NDST4: variants seen among roughly 807,000 people sequenced by gnomAD.
NDST4 encodes the protein N-heparan sulfate sulfotransferase 4.
NDST4 carries 63 observed loss-of-function variants against 100.8 expected under a neutral mutation model. The observed-to-expected ratio is 0.62, with a 90% CI of 0.51 to 0.77. The LOEUF (loss-of-function observed/expected upper bound fraction) is 0.77, where lower values mean the gene tolerates loss of function less well. NDST4 is among the 30% of genes least tolerant of loss of function. The pLI is 0.00. For synonymous variants in NDST4, 377 were observed against 361.8 expected (o/e 1.04, Z -0.48); for missense variants, 943 against 1,018.4 (o/e 0.93, Z 1.01).
At chr4:114,879,672 C>CA (rs1418020214) in intron 6 of NDST4, among the ~76,000 whole-genome samples, 1 of 152,030 alleles carries the variant, frequency 6.6e-6, no homozygotes. Context: ...AATAGGTATG[C>CA]AAAAAATATT....
intron 2 of NDST4, among the ~76,000 whole-genome samples, chr4:115,034,418 T>C (rs2126271361): frequency 6.6e-6 from 1 of 152,138 alleles, no homozygotes; most frequent in Middle Eastern, 3.4e-3. Context: ...CCTCACAAAC[T>C]TAGGGGCAAG....
At chr4:115,025,989 A>C (rs1727975603) in intron 2 of NDST4, among the ~76,000 whole-genome samples, 1 of 152,112 alleles carries the variant, frequency 6.6e-6, no homozygotes, top group South Asian at 2.1e-4. Context: ...CTAGTATTAT[A>C]GTCCTAAAAT....
chr4:115,091,738 G>A (rs1371998820), intron 1 of NDST4, among the ~76,000 whole-genome samples: 1 of 152,092 alleles, frequency 6.6e-6, no homozygotes, highest in Non-Finnish European at 1.5e-5. Flanking sequence ...TTAGGAGGTT[G>A]TGCTTGCAAT....
At chr4:115,093,334 G>A (rs1729557403) in intron 1 of NDST4, among the ~76,000 whole-genome samples, 1 of 151,996 alleles carries the variant, frequency 6.6e-6, no homozygotes, top group African/African-American at 2.4e-5. Flanking sequence ...AGTTAGCTGG[G>A]CGTGGTGGCG....
At chr4:115,007,767 A>G (rs1476147925) in intron 2 of NDST4, among the ~76,000 whole-genome samples, 2 of 129,562 alleles carry the variant, frequency 1.5e-5, no homozygotes, top group African/African-American at 2.9e-5. Context: ...GACTTTCTGG[A>G]ATATGTTCAG....
At chr4:114,982,991 C>T (rs1000513423) in intron 2 of NDST4, among the ~76,000 whole-genome samples, 1 of 152,142 alleles carries the variant, frequency 6.6e-6, no homozygotes, top group Non-Finnish European at 1.5e-5. Flanking sequence ...TTGGTGGCTT[C>T]CATGTGGTGT....
chr4:114,946,861 T>C (rs1372112700), intron 4 of NDST4, among the ~76,000 whole-genome samples: 2 of 152,218 alleles, frequency 1.3e-5, no homozygotes, highest in Non-Finnish European at 2.9e-5. Context: ...TTTCTGTAGA[T>C]ATTTTCACAT....
rs1333766919 is a variant in NDST4, at chr4:114,860,610, G to GT, written c.1720-7790dup. On this transcript the variant is annotated intron_variant, in intron 7 of 13. Coordinates refer to ENST00000264363, the MANE Select transcript of NDST4 (RefSeq NM_022569.3). ...AAGTGGAAGCCATATATTGAAGAGC[G>GT]TATCAGTCTGAGCCCCTAGGTGATC... Among the ~76,000 whole-genome samples, 5 of 152,284 alleles carry GT rather than the reference G, an allele frequency of 3.3e-5. No homozygotes were observed. In the South Asian group the frequency reaches 8.3e-4, roughly 25 times the overall value.
intron 7 of NDST4, among the ~76,000 whole-genome samples, chr4:114,858,979 T>C (rs1340797225): frequency 6.6e-6 from 1 of 152,192 alleles, no homozygotes. Flanking sequence ...AGCTACTATA[T>C]AGTGAGAACA....
chr4:115,064,103 T>A (rs891087693), intron 2 of NDST4, among the ~76,000 whole-genome samples: 104 of 152,160 alleles, frequency 6.8e-4, no homozygotes, highest in African/African-American at 2.4e-3. Flanking sequence ...TAAAATTTAA[T>A]TTGCATTAAA....
chr4:115,089,878 C>T (rs977522046), intron 1 of NDST4, among the ~76,000 whole-genome samples: 8 of 151,824 alleles, frequency 5.3e-5, no homozygotes, highest in African/African-American at 1.9e-4. Context: ...CATTTGTAGT[C>T]ACAGGATATG....
intron 1 of NDST4, among the ~76,000 whole-genome samples, chr4:115,082,270 C>T (rs1323199271): frequency 6.6e-6 from 1 of 152,046 alleles, no homozygotes; most frequent in East Asian, 1.9e-4. Flanking sequence ...TTTTATATAT[C>T]TGTTATAAGA....
chr4:114,911,420 C>T (rs79434783), intron 6 of NDST4, among the ~76,000 whole-genome samples: 20,193 of 152,162 alleles, frequency 0.13, 1,805 homozygotes, highest in African/African-American at 0.25. Context: ...ATCACAGAGG[C>T]CTGCCATGCT....
At chr4:115,011,968 G>A (rs555863122) in intron 2 of NDST4, among the ~76,000 whole-genome samples, 14 of 151,800 alleles carry the variant, frequency 9.2e-5, no homozygotes, top group South Asian at 4.2e-4. Flanking sequence ...TACATGAATG[G>A]CAACATGAAA....
At chr4:115,012,680 C>T (rs896056988) in intron 2 of NDST4, among the ~76,000 whole-genome samples, 1 of 151,896 alleles carries the variant, frequency 6.6e-6, no homozygotes, top group Non-Finnish European at 1.5e-5. Context: ...CCAGAAATCC[C>T]AGTGCTGGGT....
intron 10 of NDST4, among the ~76,000 whole-genome samples, chr4:114,843,757 T>G (rs1468712113): frequency 6.6e-6 from 1 of 152,152 alleles, no homozygotes; most frequent in Non-Finnish European, 1.5e-5. Context: ...TTTGGCTATA[T>G]TTTCTTGTCT....
In NDST4 at chr4:114,955,963, C is replaced by T. The variant is rs1489594577; in HGVS notation, c.1221+14467G>A. On this transcript the variant is annotated intron_variant, in intron 4 of 13. Transcript: ENST00000264363. ...TGGCAGTCCACGGCATTTCTCCTCT[C>T]CGCATCTCTGTATGCAGAAGTTCTA... The T allele has an allele frequency of 2.6e-5, 4 of 152,354 alleles. No homozygotes were observed. In the East Asian group the frequency reaches 7.7e-4, roughly 29 times the overall value. The allele number at this position is 152,354 out of a possible 1,614,324, so 9.4% of individuals were successfully genotyped here. A position where few individuals can be genotyped will look rare whatever the true frequency, so the allele number is the denominator to read the frequency against.
intron 7 of NDST4, among the ~76,000 whole-genome samples, chr4:114,859,929 C>T (rs1408786915): frequency 6.6e-6 from 1 of 152,188 alleles, no homozygotes; most frequent in African/African-American, 2.4e-5. Flanking sequence ...CTAGGGAACA[C>T]TACCTATGGC....
intron 2 of NDST4, among the ~76,000 whole-genome samples, chr4:115,050,461 G>C (rs1231086502): frequency 6.6e-6 from 1 of 151,820 alleles, no homozygotes; most frequent in Non-Finnish European, 1.5e-5. Flanking sequence ...TAGAATGTAA[G>C]ATTGTTGGTT....
Sources: gnomAD v4.1 joint callset for allele counts (sites outside exome capture counted in the v4.1 genomes callset) on GRCh38, gnomAD v4.1.1 for gene constraint, MANE v1.5 for transcripts, NCBI Gene and HGNC (gene_info 2026-07-23, HGNC 2026-07-21) for gene names.